The following CDCA7L variants were observed in gnomAD, a reference collection of about 807,000 sequenced individuals.
The protein encoded by CDCA7L is cell division cycle associated 7 like.
In CDCA7L, 44 loss-of-function variants were observed where a neutral mutation model predicts 57.4. That is an observed-to-expected ratio of 0.77 (90% CI 0.60 to 0.98). The LOEUF (loss-of-function observed/expected upper bound fraction) is 0.98. CDCA7L is among the 50% of genes least tolerant of loss of function. CDCA7L has a pLI of 0.00. For synonymous variants in CDCA7L, 236 were observed against 202.8 expected (o/e 1.16, Z -1.39); for missense variants, 644 against 580.6 (o/e 1.11, Z -1.12).
rs373221505 is a variant in CDCA7L at position 21,906,346 on chromosome 7, G to A, written c.864C>T (p.Val288=). 37 of 1,613,106 alleles carry A rather than the reference G, an allele frequency of 2.3e-5. No individual in the cohort carries two copies. The highest frequency in any genetic ancestry group is 2.9e-5 in the Non-Finnish European group (34 of 1,179,524). The change falls in exon 6 of 10, where the codon GTC becomes GTT. Residue 288 remains valine, a synonymous_variant. Coordinates refer to ENST00000406877, the MANE Select transcript of CDCA7L (RefSeq NM_018719.5). ...PEKFALENFT[V]SAAKFAEEFY... ...ACTCTTCCGCAAATTTAGCGGCTGA[G>A]ACAGTGAAGTTCTCTAGAGCAAACT...
chr7:21,906,511 T>C, intron 5 of CDCA7L, 55 bp from the exon 6 acceptor site: 4 of 1,612,318 alleles, frequency 2.5e-6, no homozygotes, highest in Non-Finnish European at 3.4e-6. Flanking sequence ...ATAAAAGCCG[T>C]CTGGTGGCTG....
At chr7:21,943,607 AC>A (rs1786414618) in intron 1 of CDCA7L, among the ~76,000 whole-genome samples, 1 of 151,918 alleles carries the variant, frequency 6.6e-6, no homozygotes, top group African/African-American at 2.4e-5. Flanking sequence ...CCACAGAACC[AC>A]TCTCCACTAA....
intron 1 of CDCA7L, among the ~76,000 whole-genome samples, chr7:21,939,938 T>C (rs1786287302): frequency 8.4e-6 from 1 of 119,676 alleles, no homozygotes; most frequent in African/African-American, 3.3e-5. Flanking sequence ...CAAACAACCC[T>C]AAATCTCAAT....
At chr7:21,910,252 T>C (rs1785273828) in intron 3 of CDCA7L, among the ~76,000 whole-genome samples, 1 of 152,158 alleles carries the variant, frequency 6.6e-6, no homozygotes. Context: ...AGCATCTTAA[T>C]ATCGTGCTGG....
chr7:21,903,453 A>T (rs375608361), intron 8 of CDCA7L, among the ~76,000 whole-genome samples: 1 of 152,154 alleles, frequency 6.6e-6, no homozygotes, highest in African/African-American at 2.4e-5. Context: ...CAAAATATCA[A>T]GGTATGAATT....
chr7:21,930,203 G>C (rs1228282777), intron 1 of CDCA7L, among the ~76,000 whole-genome samples: 1 of 152,194 alleles, frequency 6.6e-6, no homozygotes. Context: ...TGAACAACCT[G>C]CTCCTGAATG....
At chr7:21,937,271 TAAA>T (rs914972200) in intron 1 of CDCA7L, among the ~76,000 whole-genome samples, 2 of 152,014 alleles carry the variant, frequency 1.3e-5, no homozygotes, top group African/African-American at 4.8e-5. Context: ...ACTTCTTTCG[TAAA>T]AACAAAAGTC....
chr7:21,908,054 A>G (rs1034387125), intron 4 of CDCA7L, 76 bp downstream of exon 4: 1 of 1,454,860 alleles, frequency 6.9e-7, no homozygotes, highest in African/African-American at 1.4e-5. Context: ...CTGTAGGAGC[A>G]AAGTGGTTCT....
rs1784908451 is a variant in CDCA7L at position 21,902,103 on chromosome 7, GACAGGTCTGTGCATACATCTA to G, written c.*198_*218del. On this transcript the variant is annotated 3_prime_UTR_variant, in exon 10 of 10. Transcript: ENST00000406877. Reference sequence around the variant, plus strand: ...TATTTTTAACAAAGTTCAGCATACAGACAGGTCTGTGCATACATCTATATAGATTCCTCTGCTCTGCTGTCT... The same window carrying G: ...TATTTTTAACAAAGTTCAGCATACAGTATAGATTCCTCTGCTCTGCTGTCT... The G allele has an allele frequency of 3.6e-6, 2 of 559,050 alleles. No homozygotes were observed. The highest frequency in any genetic ancestry group is 3.2e-6 in the Non-Finnish European group (1 of 311,344). 34.6% of individuals were successfully genotyped at this position (559,050 alleles called of 1,614,324 possible). A position where few individuals can be genotyped will look rare whatever the true frequency, so the allele number is the denominator to read the frequency against.
chr7:21,912,471 A>G (rs1226731430), intron 2 of CDCA7L, among the ~76,000 whole-genome samples: 1 of 152,238 alleles, frequency 6.6e-6, no homozygotes, highest in Non-Finnish European at 1.5e-5. Context: ...TGGCAACCAG[A>G]CACGTCTGCT....
intron 1 of CDCA7L, among the ~76,000 whole-genome samples, chr7:21,921,172 A>G (rs1458160104): frequency 1.3e-5 from 2 of 151,982 alleles, no homozygotes; most frequent in Admixed American, 6.6e-5. Flanking sequence ...TGCATCTTTG[A>G]CTTCTGCATC....
At chr7:21,924,987 G>A (rs1243200281) in intron 1 of CDCA7L, among the ~76,000 whole-genome samples, 1 of 152,086 alleles carries the variant, frequency 6.6e-6, no homozygotes, top group Non-Finnish European at 1.5e-5. Flanking sequence ...CTCTGAATGG[G>A]GAGGACTTTC....
At chr7:21,931,783 G>T (rs558577063) in intron 1 of CDCA7L, among the ~76,000 whole-genome samples, 1 of 152,264 alleles carries the variant, frequency 6.6e-6, no homozygotes, top group South Asian at 2.1e-4. Flanking sequence ...CGTGAGCATG[G>T]AATATTTTTC....
chr7:21,902,185 TAAC>T lies in CDCA7L; in HGVS notation c.*134_*136del. ...TCTTTGTAAGCATATAAACAATCTT[TAAC>T]AAAAAATAGTAATTTCTACAAAGAA... On this transcript the variant is annotated 3_prime_UTR_variant, in exon 10 of 10. Coordinates refer to ENST00000406877, the MANE Select transcript of CDCA7L (RefSeq NM_018719.5). The T allele has an allele frequency of 4.7e-6, 4 of 859,882 alleles. No homozygotes were observed. The highest frequency in any genetic ancestry group is 7.7e-6 in the Non-Finnish European group (4 of 519,362). The allele number at this position is 859,882 out of a possible 1,614,324, so 53.3% of individuals were successfully genotyped here. A position where few individuals can be genotyped will look rare whatever the true frequency, so the allele number is the denominator to read the frequency against.
Position 21,902,232 on chromosome 7 carries a change from ACTGT to A in CDCA7L, c.*86_*89del, listed in dbSNP as rs370717373. 13 of 1,100,896 alleles carry A rather than the reference ACTGT, an allele frequency of 1.2e-5. No individual in the cohort carries two copies. The African/African-American group carries it at 1.3e-4, about 11-fold the overall frequency. 68.2% of individuals were successfully genotyped at this position (1,100,896 alleles called of 1,614,324 possible). A position where few individuals can be genotyped will look rare whatever the true frequency, so the allele number is the denominator to read the frequency against. ...CAAAGAATTTCTGTATAAAAACACAACTGTAAAAAAATCTTTCTTAGGCACCAAT... is the reference window on the plus strand; with the variant it reads ...CAAAGAATTTCTGTATAAAAACACAAAAAAAAATCTTTCTTAGGCACCAAT... On this transcript the variant is annotated 3_prime_UTR_variant, in exon 10 of 10. Transcript: ENST00000406877.
At position 21,902,020 on chromosome 7, in the gene CDCA7L, T is replaced by A; in HGVS notation, c.*302A>T. The A allele has an allele frequency of 5.1e-6, 2 of 394,262 alleles. No individual in the cohort carries two copies. The highest frequency in any genetic ancestry group is 6.7e-5 in the South Asian group (2 of 29,702). The allele number at this position is 394,262 out of a possible 1,614,324, so 24.4% of individuals were successfully genotyped here. A position where few individuals can be genotyped will look rare whatever the true frequency, so the allele number is the denominator to read the frequency against. ...ATCATACAATGTTTTCTCTCTAACT[T>A]ACTTACCTGAACTTTAACCCCACCC... On this transcript the variant is annotated 3_prime_UTR_variant, in exon 10 of 10. Transcript: ENST00000406877.
At position 21,902,152 on chromosome 7, in the gene CDCA7L, C is replaced by G. The variant is rs1784914309; in HGVS notation, c.*170G>C. 3.0e-6 allele frequency: 2 copies of G among 677,136 alleles called. No individual in the cohort carries two copies. Among genetic ancestry groups the G allele is most frequent in the South Asian group, 1.8e-5 (1 of 54,658 alleles). 41.9% of individuals were successfully genotyped at this position (677,136 alleles called of 1,614,324 possible). ...TAGATTCCTCTGCTCTGCTGTCTTC[C>G]TGAGAAATCTTTGTAAGCATATAAA... is the stretch of plus-strand genomic sequence containing the variant. On this transcript the variant is annotated 3_prime_UTR_variant, in exon 10 of 10. Coordinates refer to ENST00000406877, the MANE Select transcript of CDCA7L (RefSeq NM_018719.5).
At chr7:21,905,872 T>C (rs1182011511) in intron 6 of CDCA7L, among the ~76,000 whole-genome samples, 6 of 152,210 alleles carry the variant, frequency 3.9e-5, no homozygotes, top group Admixed American at 3.9e-4. Context: ...CTGTAAACTC[T>C]GTGGAGAGGT....
At chr7:21,935,470 G>T (rs1786133117) in intron 1 of CDCA7L, among the ~76,000 whole-genome samples, 1 of 151,656 alleles carries the variant, frequency 6.6e-6, no homozygotes, top group Admixed American at 6.6e-5. Context: ...ACACATTAGG[G>T]GAACAGGAAA....
Sources: gnomAD v4.1 joint callset for allele counts (sites outside exome capture counted in the v4.1 genomes callset) on GRCh38, gnomAD v4.1.1 for gene constraint, MANE v1.5 for transcripts, NCBI Gene and HGNC (gene_info 2026-07-23, HGNC 2026-07-21) for gene names.